Variants in PRKACB observed in about 807,000 individuals in gnomAD.
The protein encoded by PRKACB is cAMP-dependent protein kinase catalytic subunit beta.
Under a neutral mutation model 51.4 loss-of-function variants are expected in PRKACB, and 16 were observed. The ratio of observed to expected loss-of-function variants is 0.31; its 90% CI spans 0.21 to 0.47. PRKACB has a LOEUF of 0.47. Among genes scored for constraint, PRKACB ranks in the 20% least tolerant of loss-of-function variants. PRKACB has a pLI of 1.00. For synonymous variants in PRKACB, 147 were observed against 154.4 expected (o/e 0.95, Z 0.35); for missense variants, 309 against 464.5 (o/e 0.67, Z 3.08).
intron 8 of PRKACB, among the ~76,000 whole-genome samples, chr1:84,212,827 A>C (rs1039356641): frequency 6.6e-6 from 1 of 152,164 alleles, no homozygotes; most frequent in Non-Finnish European, 1.5e-5. Flanking sequence ...AAATGGATGA[A>C]CTACAGTATT....
intron 1 of PRKACB, among the ~76,000 whole-genome samples, chr1:84,147,388 G>A (rs551802218): frequency 6.6e-6 from 1 of 152,042 alleles, no homozygotes; most frequent in Non-Finnish European, 1.5e-5. Context: ...CATTGAATCT[G>A]TATCATTTTA....
intron 1 of PRKACB, among the ~76,000 whole-genome samples, chr1:84,099,202 A>G (rs1649154578): frequency 1.3e-5 from 2 of 152,168 alleles, no homozygotes; most frequent in African/African-American, 2.4e-5. Flanking sequence ...AGTAAGAAAT[A>G]TAAGTACAAT....
chr1:84,191,132 A>G (rs887966257), intron 5 of PRKACB, among the ~76,000 whole-genome samples: 5 of 152,034 alleles, frequency 3.3e-5, no homozygotes, highest in African/African-American at 1.2e-4. Context: ...TATGAGCTTA[A>G]GTGTGTTTTT....
chr1:84,097,734 G>A (rs1649033362), intron 1 of PRKACB, among the ~76,000 whole-genome samples: 1 of 151,928 alleles, frequency 6.6e-6, no homozygotes, highest in African/African-American at 2.4e-5. Context: ...AGAACCAGGA[G>A]CACTGACGTC....
chr1:84,221,278 G>A (rs1313404434), intron 9 of PRKACB, among the ~76,000 whole-genome samples: 2 of 151,402 alleles, frequency 1.3e-5, no homozygotes, highest in African/African-American at 2.4e-5. Context: ...TATTTCTGTG[G>A]TGTCAGTTGT....
intron 1 of PRKACB, among the ~76,000 whole-genome samples, chr1:84,145,385 GT>G (rs1653919067): frequency 6.6e-6 from 1 of 152,048 alleles, no homozygotes; most frequent in Non-Finnish European, 1.5e-5. Context: ...TCTTTGGTGT[GT>G]TTGTTTGATC....
At chr1:84,176,219 A>G (rs1234175778) in intron 1 of PRKACB, among the ~76,000 whole-genome samples, 1 of 151,878 alleles carries the variant, frequency 6.6e-6, no homozygotes, top group Admixed American at 6.6e-5. Context: ...TATATGCTTT[A>G]TAGGGAATTC....
At chr1:84,130,644 C>T (rs913796947) in intron 1 of PRKACB, among the ~76,000 whole-genome samples, 3 of 152,212 alleles carry the variant, frequency 2.0e-5, no homozygotes, top group East Asian at 1.9e-4. Context: ...TCTCAAATTT[C>T]GCAACTGACA....
At position 84,095,063 on chromosome 1, in the gene PRKACB, G is replaced by A. The variant is rs139327393; in HGVS notation, c.46+16692G>A. Among the ~76,000 whole-genome samples, 485 of 152,034 alleles carry A rather than the reference G, an allele frequency of 3.2e-3. 6 individuals are homozygous for A. Among genetic ancestry groups the A allele is most frequent in the African/African-American group, 0.011 (447 of 41,516 alleles). On this transcript the variant is annotated intron_variant, in intron 1 of 8. Coordinates refer to the PRKACB transcript ENST00000370688. ...TCCATATAGCTTAGATATGTAGTAA[G>A]CTATACGATCTAGGTTTATGTAAGT...
At chr1:84,227,993 A>G (rs1000659707) in intron 9 of PRKACB, among the ~76,000 whole-genome samples, 15 of 152,296 alleles carry the variant, frequency 9.8e-5, no homozygotes, top group Admixed American at 7.2e-4. Flanking sequence ...GATTGCCCCA[A>G]TAGGTTTGTT....
chr1:84,194,683 T>C (rs1667708025), intron 5 of PRKACB, among the ~76,000 whole-genome samples: 1 of 152,166 alleles, frequency 6.6e-6, no homozygotes, highest in Non-Finnish European at 1.5e-5. Flanking sequence ...CCCAGGACTT[T>C]TGGAGGCTCA....
chr1:84,186,306 C>G (rs1045612709), intron 5 of PRKACB, among the ~76,000 whole-genome samples: 6 of 152,038 alleles, frequency 3.9e-5, no homozygotes, highest in African/African-American at 1.4e-4. Flanking sequence ...GCAACCTCTG[C>G]CTCCTGGGTT....
At chr1:84,113,848 A>G (rs1442089938) in intron 1 of PRKACB, among the ~76,000 whole-genome samples, 1 of 152,156 alleles carries the variant, frequency 6.6e-6, no homozygotes, top group East Asian at 1.9e-4. Flanking sequence ...GAGAATGGAA[A>G]ATGACCACAA....
At chr1:84,138,544 A>G (rs1268645513) in intron 1 of PRKACB, among the ~76,000 whole-genome samples, 1 of 152,164 alleles carries the variant, frequency 6.6e-6, no homozygotes, top group Non-Finnish European at 1.5e-5. Flanking sequence ...AAAAAAAATC[A>G]AAAACAAAAA....
intron 1 of PRKACB, among the ~76,000 whole-genome samples, chr1:84,080,966 T>C (rs1057345796): frequency 1.3e-5 from 2 of 152,302 alleles, no homozygotes; most frequent in Admixed American, 1.3e-4. Context: ...AAAATGTTAC[T>C]GTCTAATGGG....
At chr1:84,168,761 A>C (rs1658376632) in intron 1 of PRKACB, among the ~76,000 whole-genome samples, 1 of 151,614 alleles carries the variant, frequency 6.6e-6, no homozygotes, top group African/African-American at 2.4e-5. Context: ...AGGGATGAGG[A>C]AAATAAGTGG....
intron 1 of PRKACB, among the ~76,000 whole-genome samples, chr1:84,176,156 T>G (rs1661185575): frequency 6.6e-6 from 1 of 151,818 alleles, no homozygotes; most frequent in Non-Finnish European, 1.5e-5. Context: ...AATGTAGATA[T>G]GGCTTATATA....
At chr1:84,098,630 T>TA (rs1422457260) in intron 1 of PRKACB, among the ~76,000 whole-genome samples, 1 of 152,108 alleles carries the variant, frequency 6.6e-6, no homozygotes, top group East Asian at 1.9e-4. Flanking sequence ...GATTGCCAGA[T>TA]AACAGTAAAT....
intron 9 of PRKACB, among the ~76,000 whole-genome samples, chr1:84,229,511 A>T (rs1340608284): frequency 1.5e-4 from 22 of 142,676 alleles, no homozygotes; most frequent in Non-Finnish European, 2.4e-4. Context: ...CGCCACACTG[A>T]CTTCCACAAT....
Sources: allele counts gnomAD v4.1 joint callset (sites outside exome capture counted in the v4.1 genomes callset), GRCh38; gene constraint gnomAD v4.1.1; transcripts MANE v1.5; gene names NCBI Gene and HGNC (gene_info 2026-07-23, HGNC 2026-07-21).